Variants in ZNF417 observed in about 807,000 individuals in gnomAD.
ZNF417 encodes zinc finger protein 417.
In ZNF417, 5 loss-of-function variants were observed where a neutral mutation model predicts 7.4. The observed-to-expected ratio is 0.68, with a 90% CI of 0.35 to 1.43. ZNF417 has a LOEUF of 1.43. ZNF417 is among the 40% of genes most tolerant of loss of function. The pLI is 0.04. For synonymous variants in ZNF417, 147 were observed against 239.1 expected (o/e 0.61, Z 3.55); for missense variants, 437 against 697.3 (o/e 0.63, Z 4.20).
rs2071948398 is a variant in ZNF417 at position 57,916,378 on chromosome 19, C to T, written c.33+1G>A. ...GAGGGCACAGAAGGCGCCACAATTA[C>T]CTGAGTCGGGCGCCTCGGCGCAGCC... On this transcript the variant is annotated splice_donor_variant, in intron 1 of 2. Transcript: ENST00000312026. LOFTEE classifies it high-confidence loss of function. 6.2e-7 allele frequency: 1 copy of T among 1,614,212 alleles called. No homozygotes were observed. The highest frequency in any genetic ancestry group is 8.5e-7 in the Non-Finnish European group (1 of 1,180,056).
intron 1 of ZNF417, among the ~76,000 whole-genome samples, chr19:57,914,405 G>C (rs1405466730): frequency 7.4e-6 from 1 of 134,810 alleles, no homozygotes; most frequent in Non-Finnish European, 1.5e-5. Flanking sequence ...AGAATCGCTT[G>C]AACCCGGGAG....
intron 1 of ZNF417, 44 bp from the exon 2 acceptor site, chr19:57,912,233 G>A (rs369881763): frequency 1.5e-4 from 237 of 1,610,778 alleles, no homozygotes; most frequent in Non-Finnish European, 1.9e-4. Flanking sequence ...CCTCTGCTGA[G>A]GTACCACAAC....
rs2122530812 is a variant in ZNF417, at chr19:57,911,721, G to A, written c.163+339C>T. 2.0e-5 allele frequency among the ~76,000 whole-genome samples: 3 copies of A among 152,258 alleles called. No homozygotes were observed. In the South Asian group the frequency reaches 6.2e-4, roughly 32 times the overall value. ...TGAAGGCAATTCTTGGCACAGGGAG[G>A]CACAAAGCATTGTCAGATAGAGGAA... On this transcript the variant is annotated intron_variant, in intron 2 of 2. Transcript: ENST00000312026.
rs776841345 is a variant in ZNF417 at position 57,912,065 on chromosome 19, G to A, written c.158C>T (p.Ser53Leu). The change falls in exon 2 of 3, where the codon TCG (serine) becomes TTG (leucine). Residue 53 changes from serine to leucine, a missense_variant. Physicochemically the swap from Ser to Leu is moderately radical, Grantham distance 145. Transcript: ENST00000312026. ...VMLENLALIS[S>L]LGCWCGSKDE... Reference sequence around the variant, plus strand: ...GGTGAGCGTGAGCAACTTACCCAGCGAGGATATGAGAGCCAGGTTCTCTAG... The same window carrying A: ...GGTGAGCGTGAGCAACTTACCCAGCAAGGATATGAGAGCCAGGTTCTCTAG... 1.1e-5 allele frequency: 18 copies of A among 1,574,844 alleles called. No homozygotes were observed. Among genetic ancestry groups the A allele is most frequent in the South Asian group, 3.5e-5 (3 of 86,180 alleles).
chr19:57,915,245 T>C (rs142409644), intron 1 of ZNF417: 1 of 168,156 alleles, frequency 5.9e-6, no homozygotes, highest in Non-Finnish European at 1.3e-5. Flanking sequence ...ACGATATTCT[T>C]CCTTTGAATG....
In ZNF417 at chr19:57,908,749, T is replaced by C. The variant is rs757025478; in HGVS notation, c.1529A>G (p.His510Arg). The C allele has an allele frequency of 4.3e-6, 7 of 1,613,680 alleles. No homozygotes were observed. The African/African-American group carries it at 6.7e-5, about 15-fold the overall frequency. ...CTTTTGTCCAGAATGAACTCTTTTATGAACATGAAGCGCAGAGCTGGAAAG... is the reference window on the plus strand; with the variant it reads ...CTTTTGTCCAGAATGAACTCTTTTACGAACATGAAGCGCAGAGCTGGAAAG... ...SFLSSSALHV[H>R]KRVHSGQKPY... The change falls in exon 3 of 3, where the codon CAT becomes CGT. Residue 510 changes from histidine to arginine, a missense_variant. His to Arg is a conservative substitution (Grantham distance 29). Coordinates refer to ENST00000312026, the MANE Select transcript of ZNF417 (RefSeq NM_152475.3).
In ZNF417 at chr19:57,912,118, A is replaced by G; in HGVS notation, c.105T>C (p.Ala35=). The G allele has an allele frequency of 6.2e-7, 1 of 1,612,752 alleles. No homozygotes were observed. Among genetic ancestry groups the G allele is most frequent in the Non-Finnish European group, 8.5e-7 (1 of 1,179,292 alleles). Residue 35 remains alanine, a synonymous_variant, in exon 2 of 3, where the codon GCT becomes GCC. Coordinates refer to ENST00000312026, the MANE Select transcript of ZNF417 (RefSeq NM_152475.3). ...TCACATCACGGTACAAGCACCTCTGAGCCTCACTAAGAAGACACCACTCCT... is the reference window on the plus strand; with the variant it reads ...TCACATCACGGTACAAGCACCTCTGGGCCTCACTAAGAAGACACCACTCCT... ...SQEEWCLLSE[A]QRCLYRDVML...
chr19:57,916,469 G>A lies in ZNF417; in HGVS notation c.-58C>T. ...GTGGTCGCCGTCACGGGGCTGCAGA[G>A]CCGCCTCTGGGCACCGAGGACGATT... On this transcript the variant is annotated 5_prime_UTR_variant, in exon 1 of 3. Coordinates refer to ENST00000312026, the MANE Select transcript of ZNF417 (RefSeq NM_152475.3). 7.4e-6 allele frequency: 12 copies of A among 1,612,638 alleles called. No individual in the cohort carries two copies. Among genetic ancestry groups the A allele is most frequent in the Non-Finnish European group, 1.0e-5 (12 of 1,179,622 alleles).
rs2071869027 is a variant in ZNF417 at position 57,909,201 on chromosome 19, T to C, written c.1077A>G (p.Lys359=). The change falls in exon 3 of 3, where the codon AAA becomes AAG. Residue 359 remains lysine (K), a synonymous_variant. Transcript: ENST00000312026. Reference sequence around the variant, plus strand: ...TAAAGCAGAACTTCTGACGAAAAGATTTCCCACATTCCCCACAGTGATAAG... The same window carrying C: ...TAAAGCAGAACTTCTGACGAAAAGACTTCCCACATTCCCCACAGTGATAAG... ...ERAYHCGECG[K]SFRQKFCFIN... 5.0e-6 allele frequency: 8 copies of C among 1,613,998 alleles called. No individual in the cohort carries two copies. Among genetic ancestry groups the C allele is most frequent in the South Asian group, 1.1e-5 (1 of 91,080 alleles).
At chr19:57,914,511 GAC>G (rs1386333059) in intron 1 of ZNF417, among the ~76,000 whole-genome samples, 3 of 89,240 alleles carry the variant, frequency 3.4e-5, no homozygotes, top group Non-Finnish European at 7.2e-5. Context: ...AAAAAAAAAA[GAC>G]AGAAAGAAAA....
At chr19:57,913,710 C>T (rs1486569095) in intron 1 of ZNF417, among the ~76,000 whole-genome samples, 1 of 152,150 alleles carries the variant, frequency 6.6e-6, no homozygotes, top group Non-Finnish European at 1.5e-5. Flanking sequence ...TGTCTATGTC[C>T]CCTTCCAAAC....
In ZNF417 at chr19:57,908,411, A is replaced by T. The variant is rs980654279; in HGVS notation, c.*139T>A. ...AGAATGAGACTCCGTTCCAATGCGA[A>T]GTCTCTTAAGACCAAGGAGAGCAGA... is the stretch of plus-strand genomic sequence containing the variant. On this transcript the variant is annotated 3_prime_UTR_variant, in exon 3 of 3. Transcript: ENST00000312026. 1.4e-6 allele frequency: 2 copies of T among 1,478,324 alleles called. No homozygotes were observed. Among genetic ancestry groups the T allele is most frequent in the African/African-American group, 1.4e-5 (1 of 71,334 alleles). 91.6% of individuals were successfully genotyped at this position (1,478,324 alleles called of 1,614,324 possible). A position where few individuals can be genotyped will look rare whatever the true frequency, so the allele number is the denominator to read the frequency against.
At chr19:57,915,215 C>T (rs1450486081) in intron 1 of ZNF417, 1 of 159,906 alleles carries the variant, frequency 6.3e-6, no homozygotes, top group African/African-American at 2.4e-5. Context: ...TCCCAAGACC[C>T]CAAAGTCTTC....
chr19:57,912,807 G>A (rs1028258087), intron 1 of ZNF417, among the ~76,000 whole-genome samples: 1 of 151,872 alleles, frequency 6.6e-6, no homozygotes, highest in South Asian at 2.1e-4. Context: ...TAGAGAGGGG[G>A]TTTCACCATG....
At position 57,912,132 on chromosome 19, in the gene ZNF417, G is replaced by C. The variant is rs1305912186; in HGVS notation, c.91C>G (p.Leu31Val). 3.7e-6 allele frequency: 6 copies of C among 1,612,962 alleles called. No individual in the cohort carries two copies. The highest frequency in any genetic ancestry group is 4.2e-6 in the Non-Finnish European group (5 of 1,179,562). Residue 31 changes from leucine (L) to valine (V), a missense_variant, in exon 2 of 3, where the codon CTT becomes GTT. By Grantham distance (32) the Leu-to-Val change is conservative. Coordinates refer to ENST00000312026, the MANE Select transcript of ZNF417 (RefSeq NM_152475.3). ...AAGCACCTCTGAGCCTCACTAAGAA[G>C]ACACCACTCCTCCTGGGAAAAGTTC... ...AVNFSQEEWC[L>V]LSEAQRCLYR...
Position 57,909,140 on chromosome 19 carries a change from A to C in ZNF417, c.1138T>G (p.Tyr380Asp). The change falls in exon 3 of 3, where the codon TAC becomes GAC. Residue 380 changes from tyrosine to aspartate, a missense_variant. Coordinates refer to ENST00000312026, the MANE Select transcript of ZNF417 (RefSeq NM_152475.3). ...HQRVHTGERP[Y>D]KCGECGKSFG... ...GATTTTCCACATTCTCCACACTTGT[A>C]AGGCCTTTCTCCAGTGTGAACACGC... 1 of 1,614,182 alleles carries C rather than the reference A, an allele frequency of 6.2e-7. No homozygotes were observed. The highest frequency in any genetic ancestry group is 1.3e-5 in the African/African-American group (1 of 75,034).
Position 57,908,323 on chromosome 19 carries a change from G to A in ZNF417, c.*227C>T. 1.4e-6 allele frequency: 1 copy of A among 697,172 alleles called. No homozygotes were observed. Among genetic ancestry groups the A allele is most frequent in the South Asian group, 1.9e-5 (1 of 51,408 alleles). The allele number at this position is 697,172 out of a possible 1,614,324, so 43.2% of individuals were successfully genotyped here. A position where few individuals can be genotyped will look rare whatever the true frequency, so the allele number is the denominator to read the frequency against. On this transcript the variant is annotated 3_prime_UTR_variant, in exon 3 of 3. Coordinates refer to ENST00000312026, the MANE Select transcript of ZNF417 (RefSeq NM_152475.3). ...GGAGGCTGAGGTAGGAGAATCACTT[G>A]AACCTGGGAGGCCCAAGTTGCAGTG...
In ZNF417 at chr19:57,906,208, A is replaced by AT. The variant is rs1187939582; in HGVS notation, c.*2341dup. ...TGAACGAGCCCTTTTAAACTTCTAG[A>AT]TATCATTGAAACTCCTATGTTGATT... On this transcript the variant is annotated 3_prime_UTR_variant, in exon 3 of 3. Coordinates refer to ENST00000312026, the MANE Select transcript of ZNF417 (RefSeq NM_152475.3). 2.0e-5 allele frequency among the ~76,000 whole-genome samples: 3 copies of AT among 152,236 alleles called. No individual in the cohort carries two copies. Among genetic ancestry groups the AT allele is most frequent in the Non-Finnish European group, 4.4e-5 (3 of 68,040 alleles).
intron 2 of ZNF417, among the ~76,000 whole-genome samples, chr19:57,910,528 C>T (rs2071891040): frequency 6.6e-6 from 1 of 151,970 alleles, no homozygotes. Flanking sequence ...GCCTGGATAA[C>T]AGAGCGAGAC....
Sources: gnomAD v4.1 joint callset for allele counts (sites outside exome capture counted in the v4.1 genomes callset) on GRCh38, gnomAD v4.1.1 for gene constraint, MANE v1.5 for transcripts, NCBI Gene and HGNC (gene_info 2026-07-23, HGNC 2026-07-21) for gene names.